PTPRN2: variants seen among roughly 807,000 people sequenced by gnomAD.
PTPRN2 encodes the protein receptor-type tyrosine-protein phosphatase N2.
A neutral mutation model predicts 118.8 loss-of-function variants in PTPRN2; 74 were observed. That is an observed-to-expected ratio of 0.62 (90% CI 0.52 to 0.76). PTPRN2 has a LOEUF of 0.76. Ranked by LOEUF, PTPRN2 falls within the 30% of genes least tolerant of loss-of-function variation. PTPRN2 has a pLI of 0.00. For synonymous variants in PTPRN2, 641 were observed against 608.0 expected (o/e 1.05, Z -0.80); for missense variants, 1,481 against 1,394.4 (o/e 1.06, Z -0.99).
intron 1 of PTPRN2, among the ~76,000 whole-genome samples, chr7:158,578,282 CT>C (rs35928034): frequency 1.4e-3 from 204 of 143,308 alleles, no homozygotes; most frequent in Non-Finnish European, 1.4e-3. Flanking sequence ...TTTAAGTCAC[CT>C]TTTTTTTTTT....
At chr7:158,046,657 T>C (rs1808903200) in intron 11 of PTPRN2, among the ~76,000 whole-genome samples, 1 of 152,170 alleles carries the variant, frequency 6.6e-6, no homozygotes, top group South Asian at 2.1e-4. Flanking sequence ...GACTTTAAAA[T>C]ACTGTGGCTG....
intron 3 of PTPRN2, among the ~76,000 whole-genome samples, chr7:158,288,796 T>C (rs75938350): frequency 2.0e-5 from 3 of 152,230 alleles, no homozygotes; most frequent in South Asian, 2.1e-4. Flanking sequence ...GTTTTCATGT[T>C]GCTAGTTAGC....
intron 21 of PTPRN2, among the ~76,000 whole-genome samples, chr7:157,549,801 G>A (rs904749534): frequency 9.8e-5 from 15 of 152,354 alleles, no homozygotes; most frequent in Non-Finnish European, 1.9e-4. Flanking sequence ...CCGCCAGGAT[G>A]AGAAACACAG....
At chr7:157,916,247 C>T (rs978572860) in intron 11 of PTPRN2, among the ~76,000 whole-genome samples, 1 of 152,208 alleles carries the variant, frequency 6.6e-6, no homozygotes, top group East Asian at 1.9e-4. Flanking sequence ...TCTAACCCTC[C>T]TGGCAGCAGT....
intron 12 of PTPRN2, among the ~76,000 whole-genome samples, chr7:157,799,458 T>A (rs912835627): frequency 6.6e-6 from 1 of 152,032 alleles, no homozygotes; most frequent in African/African-American, 2.4e-5. Flanking sequence ...AAGCAGACAT[T>A]TCATTTTCCC....
intron 2 of PTPRN2, among the ~76,000 whole-genome samples, chr7:158,398,007 G>A (rs1427761131): frequency 1.3e-5 from 2 of 152,160 alleles, no homozygotes; most frequent in Non-Finnish European, 2.9e-5. Context: ...ATGAGAGGAT[G>A]ATGAGTCCCC....
chr7:157,712,798 G>A (rs939936853), intron 12 of PTPRN2, among the ~76,000 whole-genome samples: 13 of 150,568 alleles, frequency 8.6e-5, no homozygotes, highest in African/African-American at 2.9e-4. Flanking sequence ...ACAGACAGAC[G>A]TGCACAGGGA....
chr7:158,527,384 C>A (rs1554525576), intron 1 of PTPRN2, among the ~76,000 whole-genome samples: 1 of 152,234 alleles, frequency 6.6e-6, no homozygotes, highest in Non-Finnish European at 1.5e-5. Flanking sequence ...CGTGTCCAGT[C>A]CTTGGACGTG....
At chr7:158,263,269 G>A (rs763914095) in intron 3 of PTPRN2, among the ~76,000 whole-genome samples, 40 of 152,162 alleles carry the variant, frequency 2.6e-4, no homozygotes, top group Non-Finnish European at 4.7e-4. Flanking sequence ...TGCATGCACT[G>A]CACGTGTTGC....
At chr7:158,582,795 T>C (rs1428984579) in intron 1 of PTPRN2, among the ~76,000 whole-genome samples, 20 of 33,516 alleles carry the variant, frequency 6.0e-4, no homozygotes, top group Non-Finnish European at 9.3e-4. Context: ...AGACTCCATC[T>C]CAAAAAAAAA....
chr7:158,477,579 A>G (rs1820357236), intron 2 of PTPRN2, among the ~76,000 whole-genome samples: 1 of 152,234 alleles, frequency 6.6e-6, no homozygotes, highest in African/African-American at 2.4e-5. Context: ...ATAAAATCAG[A>G]CTTTGCTGCC....
At chr7:158,260,555 C>T (rs1342537582) in intron 3 of PTPRN2, among the ~76,000 whole-genome samples, 4 of 152,132 alleles carry the variant, frequency 2.6e-5, no homozygotes, top group African/African-American at 9.7e-5. Context: ...CCAAAGTATG[C>T]ACTCCCACAA....
At chr7:157,854,281 T>C (rs1563174421) in intron 12 of PTPRN2, among the ~76,000 whole-genome samples, 1 of 152,206 alleles carries the variant, frequency 6.6e-6, no homozygotes, top group Non-Finnish European at 1.5e-5. Context: ...CTCAGAAGCC[T>C]GGATACCGTG....
intron 11 of PTPRN2, among the ~76,000 whole-genome samples, chr7:158,070,660 G>C (rs1811240614): frequency 7.6e-6 from 1 of 130,794 alleles, no homozygotes; most frequent in South Asian, 2.7e-4. Flanking sequence ...TGGTGGAGGT[G>C]CTCCTGGTGG....
chr7:158,122,154 G>T (rs1305979346), intron 9 of PTPRN2, among the ~76,000 whole-genome samples: 1 of 152,212 alleles, frequency 6.6e-6, no homozygotes, highest in Non-Finnish European at 1.5e-5. Flanking sequence ...AACTTTTATG[G>T]GGTCAGGGTC....
intron 2 of PTPRN2, among the ~76,000 whole-genome samples, chr7:158,388,345 A>G (rs569786264): frequency 5.3e-5 from 8 of 152,172 alleles, no homozygotes; most frequent in Non-Finnish European, 1.0e-4. Flanking sequence ...GCCAGTGCAG[A>G]TGGACAGCCA....
intron 2 of PTPRN2, 46 bp from the exon 3 acceptor site, chr7:158,316,978 C>A: frequency 6.9e-7 from 1 of 1,455,006 alleles, no homozygotes; most frequent in Non-Finnish European, 9.4e-7. Flanking sequence ...GTTTCATTTT[C>A]AGAGAGCAGG....
rs201885581 is a variant in PTPRN2 at position 158,007,947 on chromosome 7, TG to T, written c.1723+73350del. Reference sequence around the variant, plus strand: ...AGGGTGTGTGTGGCTGTGCTGTGTGTGGGGGTGTGGGTGTGTAGGTGGGTGT... The same window carrying T: ...AGGGTGTGTGTGGCTGTGCTGTGTGTGGGGTGTGGGTGTGTAGGTGGGTGT... On this transcript the variant is annotated intron_variant, in intron 11 of 22. Coordinates refer to ENST00000389418, the MANE Select transcript of PTPRN2 (RefSeq NM_002847.5). Among the ~76,000 whole-genome samples the T allele has an allele frequency of 9.9e-3, 1,473 of 148,414 alleles. 18 individuals are homozygous for T. Among genetic ancestry groups the T allele is most frequent in the African/African-American group, 0.034 (1,379 of 40,078 alleles).
chr7:157,814,034 A>C (rs757459526), intron 12 of PTPRN2, among the ~76,000 whole-genome samples: 3 of 152,206 alleles, frequency 2.0e-5, no homozygotes, highest in Non-Finnish European at 4.4e-5. Context: ...GAGCTGCGAG[A>C]CTGTGCCCAC....
Sources: allele counts gnomAD v4.1 joint callset (sites outside exome capture counted in the v4.1 genomes callset), GRCh38; gene constraint gnomAD v4.1.1; transcripts MANE v1.5; gene names NCBI Gene and HGNC (gene_info 2026-07-23, HGNC 2026-07-21).